SLC5A3: variants seen among roughly 807,000 people sequenced by gnomAD.
The protein encoded by SLC5A3 is solute carrier family 5 member 3.
Under a neutral mutation model 43.2 loss-of-function variants are expected in SLC5A3, and 10 were observed. That is an observed-to-expected ratio of 0.23 (90% CI 0.14 to 0.39). The LOEUF is 0.39. Among genes scored for constraint, SLC5A3 ranks in the 10% least tolerant of loss-of-function variants. The pLI is 1.00. For missense variants in SLC5A3, 608 were observed against 893.4 expected, an observed-to-expected ratio of 0.68 and a Z score of 4.07; for synonymous variants, 349 against 322.0, an observed-to-expected ratio of 1.08 and a Z score of -0.90.
At chr21:34,088,969 G>C (rs1978538558) in intron 1 of SLC5A3, among the ~76,000 whole-genome samples, 1 of 151,606 alleles carries the variant, frequency 6.6e-6, no homozygotes, top group African/African-American at 2.4e-5. Context: ...AATTCTTATT[G>C]AGTTACACAA....
rs917099645 is a variant in SLC5A3 at position 34,092,205 on chromosome 21, A to C, written c.-336-2658A>C. 1.7e-4 allele frequency among the ~76,000 whole-genome samples: 26 copies of C among 152,312 alleles called. No individual in the cohort carries two copies. The South Asian group carries it at 2.3e-3, about 13-fold the overall frequency. Reference sequence around the variant, plus strand: ...TTATCTCTTGAAAGACTGAAATTCAAGGCTGTGACTGTGACTAGAGTGTAA... The same window carrying C: ...TTATCTCTTGAAAGACTGAAATTCACGGCTGTGACTGTGACTAGAGTGTAA... On this transcript the variant is annotated intron_variant, in intron 1 of 1. Coordinates refer to ENST00000381151, the MANE Select transcript of SLC5A3 (RefSeq NM_006933.7).
intron 1 of SLC5A3, among the ~76,000 whole-genome samples, chr21:34,093,604 AACAT>A (rs1978819580): frequency 6.6e-6 from 1 of 152,178 alleles, no homozygotes; most frequent in Admixed American, 6.5e-5. Flanking sequence ...AGCATGGAAA[AACAT>A]TCTTCTCTGA....
chr21:34,091,991 T>C (rs190080667), intron 1 of SLC5A3, among the ~76,000 whole-genome samples: 2 of 152,128 alleles, frequency 1.3e-5, no homozygotes, highest in African/African-American at 4.8e-5. Flanking sequence ...TATATAAATA[T>C]AAAAATACAA....
Position 34,096,632 on chromosome 21 carries a change from T to A in SLC5A3, c.1434T>A (p.Phe478Leu). 3 of 1,614,168 alleles carry A rather than the reference T, an allele frequency of 1.9e-6. No individual in the cohort carries two copies. The highest frequency in any genetic ancestry group is 2.5e-6 in the Non-Finnish European group (3 of 1,179,990). Residue 478 changes from phenylalanine (F) to leucine (L), a missense_variant, in exon 2 of 2, where the codon TTT becomes TTA. By Grantham distance (22) the Phe-to-Leu change is conservative. This residue lies in a region of SLC5A3 where 398 missense variants were observed against 668.6 expected (regional missense o/e 0.60). Transcript: ENST00000381151. The surrounding 1 kb of genome is among the most constrained non-coding windows in gnomAD (Gnocchi z 5.9). Reference protein sequence around the residue: ...QGAFYGGMAGFVLGAVRLILA... With the variant: ...QGAFYGGMAGLVLGAVRLILA... ...CTTTCTATGGTGGAATGGCTGGCTT[T>A]GTTCTTGGAGCAGTCCGTTTGATAC...
At chr21:34,085,551 T>G (rs1420935530) in intron 1 of SLC5A3, among the ~76,000 whole-genome samples, 6 of 152,192 alleles carry the variant, frequency 3.9e-5, no homozygotes, top group Non-Finnish European at 8.8e-5. Context: ...TAAAGCAAAC[T>G]TAGATATATC....
chr21:34,079,579 G>A (rs890243650), intron 1 of SLC5A3, among the ~76,000 whole-genome samples: 3 of 147,182 alleles, frequency 2.0e-5, no homozygotes, highest in Admixed American at 2.0e-4. Flanking sequence ...GGGATTACAG[G>A]CATGCGCCAC....
intron 1 of SLC5A3, among the ~76,000 whole-genome samples, chr21:34,087,336 G>C (rs539223308): frequency 6.6e-6 from 1 of 152,256 alleles, no homozygotes; most frequent in Admixed American, 6.5e-5. Flanking sequence ...TAGGATATTG[G>C]AAGTTTAGCA....
At chr21:34,078,204 CTT>C (rs1989378866) in intron 1 of SLC5A3, among the ~76,000 whole-genome samples, 1 of 152,014 alleles carries the variant, frequency 6.6e-6, no homozygotes, top group African/African-American at 2.4e-5. Context: ...AATAATCTCT[CTT>C]TGTGTTTTAT....
intron 1 of SLC5A3, among the ~76,000 whole-genome samples, chr21:34,094,507 T>C (rs1981103263): frequency 1.3e-5 from 2 of 152,192 alleles, no homozygotes; most frequent in South Asian, 4.1e-4. Flanking sequence ...ATTAGTGTTT[T>C]CTCCCCTTTA....
rs1012391509 is a variant in SLC5A3 at position 34,101,533 on chromosome 21, C to T, written c.*4178C>T. 4.0e-6 allele frequency: 4 copies of T among 1,000,168 alleles called. No homozygotes were observed. The African/African-American group carries it at 5.2e-5, about 13-fold the overall frequency. The allele number at this position is 1,000,168 out of a possible 1,614,324, so 62.0% of individuals were successfully genotyped here. A position where few individuals can be genotyped will look rare whatever the true frequency, so the allele number is the denominator to read the frequency against. ...ATCTGTTTCTATATGTGTATATGCC[C>T]ACTTACCATTCAGAGAGACTGGTCT... On this transcript the variant is annotated 3_prime_UTR_variant, in exon 2 of 2. Coordinates refer to ENST00000381151, the MANE Select transcript of SLC5A3 (RefSeq NM_006933.7).
intron 1 of SLC5A3, among the ~76,000 whole-genome samples, chr21:34,094,038 T>G (rs1978848456): frequency 6.6e-6 from 1 of 152,242 alleles, no homozygotes; most frequent in Non-Finnish European, 1.5e-5. Flanking sequence ...CTTTAGTCAG[T>G]GCCGTTATCC....
In SLC5A3 at chr21:34,105,581, G is replaced by A. The variant is rs1979440636; in HGVS notation, c.*8226G>A. The A allele has an allele frequency of 1.0e-6, 1 of 999,984 alleles. No homozygotes were observed. The highest frequency in any genetic ancestry group is 1.2e-6 in the Non-Finnish European group (1 of 829,818). The allele number at this position is 999,984 out of a possible 1,614,324, so 61.9% of individuals were successfully genotyped here. A position where few individuals can be genotyped will look rare whatever the true frequency, so the allele number is the denominator to read the frequency against. On this transcript the variant is annotated 3_prime_UTR_variant, in exon 2 of 2. Coordinates refer to ENST00000381151, the MANE Select transcript of SLC5A3 (RefSeq NM_006933.7). ...TGCTTTGTTCAGATTTTTTGTAAGA[G>A]ACCAGTTAGTACACTGGGGGTGTAT...
chr21:34,096,356 C>T lies in SLC5A3; in HGVS notation c.1158C>T (p.Ala386=), dbSNP rs761222681. 8 of 1,614,040 alleles carry T rather than the reference C, an allele frequency of 5.0e-6. No individual in the cohort carries two copies. The highest frequency in any genetic ancestry group is 1.3e-5 in the African/African-American group (1 of 74,916). ...MSDLDSIFNS[A]STIFTLDVYK... ...ACTTAGACTCTATCTTTAACAGTGC[C>T]AGTACCATATTCACCCTCGATGTGT... is the stretch of plus-strand genomic sequence containing the variant. The change falls in exon 2 of 2, where the codon GCC becomes GCT. Residue 386 remains alanine, a synonymous_variant. Coordinates refer to ENST00000381151, the MANE Select transcript of SLC5A3 (RefSeq NM_006933.7). The surrounding 1 kb of genome is among the most constrained non-coding windows in gnomAD (Gnocchi z 5.9).
rs60942561 is a variant in SLC5A3 at position 34,086,432 on chromosome 21, C to T, written c.-336-8431C>T. 4.5e-3 allele frequency among the ~76,000 whole-genome samples: 683 copies of T among 152,074 alleles called. 5 individuals carry two copies. The highest frequency in any genetic ancestry group is 0.015 in the African/African-American group (635 of 41,460). On this transcript the variant is annotated intron_variant, in intron 1 of 1. Transcript: ENST00000381151. ...CCTGGGTGCATTACTTCAGGGCTTA[C>T]CGGTGGTGATTTTTCTCATTACATT...
Position 34,100,504 on chromosome 21 carries a change from A to T in SLC5A3, c.*3149A>T, listed in dbSNP as rs1408019510. The T allele has an allele frequency of 6.0e-6, 6 of 1,000,072 alleles. No individual in the cohort carries two copies. The East Asian group carries it at 6.8e-4, about 113-fold the overall frequency. The allele number at this position is 1,000,072 out of a possible 1,614,324, so 61.9% of individuals were successfully genotyped here. On this transcript the variant is annotated 3_prime_UTR_variant, in exon 2 of 2. Coordinates refer to ENST00000381151, the MANE Select transcript of SLC5A3 (RefSeq NM_006933.7). The stretch of plus-strand genomic sequence containing the variant: ...GTGTCCTTCGGCCTAAATTCAATAG[A>T]TCTCATCTCCTAGGGCTTCCTTTTC...
rs528137642 is a variant in SLC5A3 at position 34,102,299 on chromosome 21, C to G, written c.*4944C>G. The G allele has an allele frequency of 2.0e-5, 20 of 998,976 alleles. No homozygotes were observed. In the African/African-American group the frequency reaches 3.5e-4, roughly 17 times the overall value. 61.9% of individuals were successfully genotyped at this position (998,976 alleles called of 1,614,324 possible). A position where few individuals can be genotyped will look rare whatever the true frequency, so the allele number is the denominator to read the frequency against. On this transcript the variant is annotated 3_prime_UTR_variant, in exon 2 of 2. Coordinates refer to ENST00000381151, the MANE Select transcript of SLC5A3 (RefSeq NM_006933.7). ...TATAAATGTTTTTATTTAAACTTCT[C>G]TCTCTTCAATGCTGAGAATAAGGCT...
At position 34,103,538 on chromosome 21, in the gene SLC5A3, TA is replaced by T; in HGVS notation, c.*6184del. Reference sequence around the variant, plus strand: ...AGAACAGGTACGTGACAACAGTTTATATTCCATGATAGAAAGCTAAAGTCCA... The same window carrying T: ...AGAACAGGTACGTGACAACAGTTTATTTCCATGATAGAAAGCTAAAGTCCA... On this transcript the variant is annotated 3_prime_UTR_variant, in exon 2 of 2. Transcript: ENST00000381151. 4.0e-6 allele frequency: 4 copies of T among 1,000,156 alleles called. No individual in the cohort carries two copies. The highest frequency in any genetic ancestry group is 4.8e-6 in the Non-Finnish European group (4 of 829,892). The allele number at this position is 1,000,156 out of a possible 1,614,324, so 62.0% of individuals were successfully genotyped here.
chr21:34,073,757 T>G lies in SLC5A3; in HGVS notation c.-337+12T>G. The G allele has an allele frequency of 6.6e-7, 1 of 1,512,072 alleles. No individual in the cohort carries two copies. The highest frequency in any genetic ancestry group is 8.9e-7 in the Non-Finnish European group (1 of 1,124,376). The allele number at this position is 1,512,072 out of a possible 1,614,324, so 93.7% of individuals were successfully genotyped here. On this transcript the variant is annotated intron_variant, in intron 1 of 1. Coordinates refer to ENST00000381151, the MANE Select transcript of SLC5A3 (RefSeq NM_006933.7). ...AAGCCATGCAGCGGGTAAGTGACCT[T>G]CCCTCAGAGCCGGTCTTCCCGCGCG...
At position 34,100,431 on chromosome 21, in the gene SLC5A3, A is replaced by T. The variant is rs1979181395; in HGVS notation, c.*3076A>T. 5.0e-6 allele frequency: 5 copies of T among 1,000,220 alleles called. No individual in the cohort carries two copies. Among genetic ancestry groups the T allele is most frequent in the Non-Finnish European group, 6.0e-6 (5 of 829,990 alleles). The allele number at this position is 1,000,220 out of a possible 1,614,324, so 62.0% of individuals were successfully genotyped here. On this transcript the variant is annotated 3_prime_UTR_variant, in exon 2 of 2. Coordinates refer to ENST00000381151, the MANE Select transcript of SLC5A3 (RefSeq NM_006933.7). ...CAGCTATTCTTTCCTGGGGGTAATT[A>T]TGCTTTGTCTTTAGATTAGAGAAGC... is the stretch of plus-strand genomic sequence containing the variant.
Sources: gnomAD v4.1 joint callset for allele counts (sites outside exome capture counted in the v4.1 genomes callset) on GRCh38, gnomAD v4.1.1 for gene constraint, gnomAD v4.1.1 regional missense constraint, Gnocchi (gnomAD v3.1) non-coding constraint, MANE v1.5 for transcripts, NCBI Gene and HGNC (gene_info 2026-07-23, HGNC 2026-07-21) for gene names.